Variants in RUBCNL observed in about 807,000 individuals in gnomAD.
RUBCNL encodes the protein rubicon like autophagy enhancer, also known as protein associated with UVRAG as autophagy enhancer.
RUBCNL carries 62 observed loss-of-function variants against 69.5 expected under a neutral mutation model. The observed-to-expected ratio is 0.89, with a 90% CI of 0.73 to 1.10. The LOEUF (loss-of-function observed/expected upper bound fraction) is 1.10, where lower values mean the gene tolerates loss of function less well. Among genes scored for constraint, RUBCNL ranks in the 50% least tolerant of loss-of-function variants. The probability of loss-of-function intolerance (pLI) is 0.00; values close to 1 mark genes in which losing one functional copy is unlikely to be tolerated. For synonymous variants in RUBCNL, 291 were observed against 303.6 expected (o/e 0.96, Z 0.43); for missense variants, 768 against 798.1 (o/e 0.96, Z 0.45).
intron 10 of RUBCNL, among the ~76,000 whole-genome samples, chr13:46,351,692 T>C (rs933813900): frequency 3.9e-5 from 6 of 152,160 alleles, no homozygotes; most frequent in African/African-American, 1.4e-4. Context: ...ATAGGTATAA[T>C]GTGATCTCAA....
chr13:46,356,331 C>T, intron 10 of RUBCNL, 101 bp downstream of exon 10: 1 of 1,129,596 alleles, frequency 8.9e-7, no homozygotes. Context: ...ATAACAACTT[C>T]TCATCAAAGG....
intron 9 of RUBCNL, among the ~76,000 whole-genome samples, chr13:46,358,632 C>T (rs551880919): frequency 1.3e-5 from 2 of 152,328 alleles, no homozygotes; most frequent in South Asian, 2.1e-4. Flanking sequence ...CAGCTCACTG[C>T]AACCTCTGCC....
chr13:46,358,380 T>C (rs1403560351), intron 9 of RUBCNL, among the ~76,000 whole-genome samples: 3 of 152,230 alleles, frequency 2.0e-5, no homozygotes, highest in Admixed American at 2.0e-4. Context: ...TTAAAATGTT[T>C]TGTGTATAAT....
Position 46,368,146 on chromosome 13 carries a change from A to T in RUBCNL, c.722T>A (p.Val241Asp). 6.2e-7 allele frequency: 1 copy of T among 1,613,946 alleles called. No homozygotes were observed. Among genetic ancestry groups the T allele is most frequent in the African/African-American group, 1.3e-5 (1 of 75,038 alleles). ...CTGATCACTCCCAAGTAACCCACTG[A>T]CTTCTTTACTCCAGCTCTCTGTCTG... The part of the protein sequence containing the change: ...QQQTESWSKE[V>D]SGLLGSDQPD... Residue 241 changes from valine (V) to aspartate (D), a missense_variant, in exon 5 of 15, where the codon GTC (valine) becomes GAC (aspartate). Coordinates refer to ENST00000429979, the MANE Select transcript of RUBCNL (RefSeq NM_025113.5).
At chr13:46,348,388 C>T (rs781309431) in intron 12 of RUBCNL, among the ~76,000 whole-genome samples, 1 of 152,112 alleles carries the variant, frequency 6.6e-6, no homozygotes, top group African/African-American at 2.4e-5. Flanking sequence ...AAAAAGGTCA[C>T]TGGCTAGAGT....
At chr13:46,367,975 G>T in intron 5 of RUBCNL, 67 bp downstream of exon 5, 1 of 1,437,352 alleles carries the variant, frequency 7.0e-7, no homozygotes, top group Non-Finnish European at 9.8e-7. Flanking sequence ...CGTGGATAAG[G>T]GGTAATTATA....
At chr13:46,355,916 A>G (rs1433059384) in intron 10 of RUBCNL, among the ~76,000 whole-genome samples, 2 of 152,228 alleles carry the variant, frequency 1.3e-5, no homozygotes, top group African/African-American at 4.8e-5. Flanking sequence ...AGGAACTTCT[A>G]AGAAAATATT....
intron 1 of RUBCNL, among the ~76,000 whole-genome samples, 151 bp from the exon 2 acceptor site, chr13:46,378,156 G>T (rs1313044171): frequency 6.6e-6 from 1 of 152,054 alleles, no homozygotes; most frequent in African/African-American, 2.4e-5. Flanking sequence ...TTTTGTTTTG[G>T]TAGCACTGGG....
At chr13:46,368,436 C>T (rs1233433611) in intron 4 of RUBCNL, 187 bp from the exon 5 acceptor site, 6 of 984,396 alleles carry the variant, frequency 6.1e-6, no homozygotes, top group South Asian at 4.7e-5. Flanking sequence ...GACATAGATT[C>T]GGCTTACTAT....
chr13:46,337,899 T>G lies in RUBCNL; in HGVS notation c.*5486A>C, dbSNP rs1192572348. On this transcript the variant is annotated 3_prime_UTR_variant, in exon 15 of 15. Transcript: ENST00000429979. ...GTAGGGCCCTCAGGAATGTGGACCT[T>G]CAGGGGCTGCAGGAGCAAAGGGAGA... is the stretch of plus-strand genomic sequence containing the variant. Among the ~76,000 whole-genome samples, 1 of 152,216 alleles carries G rather than the reference T, an allele frequency of 6.6e-6. No individual in the cohort carries two copies. The highest frequency in any genetic ancestry group is 1.5e-5 in the Non-Finnish European group (1 of 68,038).
chr13:46,388,369 GGAAGGAAGGAAGGGC>G (rs141111501), upstream of RUBCNL, among the ~76,000 whole-genome samples: 13,157 of 146,846 alleles, frequency 0.09, 825 homozygotes, highest in Non-Finnish European at 0.14. Flanking sequence ...AGCAAAGAAA[GGAAGGAAGGAAGGGC>G]GAAGGAAGGA....
intron 14 of RUBCNL, 69 bp from the exon 15 acceptor site, chr13:46,343,566 T>A (rs776366845): frequency 1.1e-5 from 17 of 1,515,020 alleles, no homozygotes; most frequent in Non-Finnish European, 1.5e-5. Flanking sequence ...CAGACATTCG[T>A]CTCCATCCTA....
chr13:46,383,736 T>C (rs2049172615), intron 1 of RUBCNL, among the ~76,000 whole-genome samples: 1 of 152,176 alleles, frequency 6.6e-6, no homozygotes, highest in South Asian at 2.1e-4. Flanking sequence ...AACCCACAAG[T>C]CCAGGTGGCA....
At position 46,344,832 on chromosome 13, in the gene RUBCNL, C is replaced by T. The variant is rs751205633; in HGVS notation, c.1786-1G>A. The stretch of plus-strand genomic sequence containing the variant: ...AAATAAAGCCCTTTCCTTGACACAG[C>T]TGTAAAAGAAGACATCAAAAAGTTA... On this transcript the variant is annotated splice_acceptor_variant, in intron 13 of 14. Transcript: ENST00000429979. LOFTEE classifies it high-confidence loss of function. 3.1e-6 allele frequency: 5 copies of T among 1,605,404 alleles called. No individual in the cohort carries two copies. Among genetic ancestry groups the T allele is most frequent in the Non-Finnish European group, 4.3e-6 (5 of 1,174,350 alleles).
In RUBCNL at chr13:46,345,565, A is replaced by G; in HGVS notation, c.1667T>C (p.Leu556Ser). The G allele has an allele frequency of 6.2e-7, 1 of 1,613,640 alleles. No homozygotes were observed. The highest frequency in any genetic ancestry group is 1.1e-5 in the South Asian group (1 of 90,942). ...LKEFEQVPGH[L>S]TDELHLFSLE... ...GGAGAACAGGTGGAGCTCATCAGTC[A>G]AGTGTCCCGGCACCTGCTCGAACTC... The change falls in exon 13 of 15, where the codon TTG becomes TCG. Residue 556 changes from leucine to serine, a missense_variant. Transcript: ENST00000429979.
Position 46,357,553 on chromosome 13 carries a change from G to A in RUBCNL, c.1266-1057C>T, listed in dbSNP as rs897657770. ...CAAATGGATCTAAAGAAATTTAGAC[G>A]AATAAGAGGTAACGTAAGACAAAGA... On this transcript the variant is annotated intron_variant, in intron 9 of 14. Coordinates refer to ENST00000429979, the MANE Select transcript of RUBCNL (RefSeq NM_025113.5). 5.3e-5 allele frequency among the ~76,000 whole-genome samples: 8 copies of A among 151,480 alleles called. No homozygotes were observed. In the South Asian group the frequency reaches 6.2e-4, roughly 12 times the overall value.
At chr13:46,354,476 T>C (rs572987711) in intron 10 of RUBCNL, among the ~76,000 whole-genome samples, 2 of 152,340 alleles carry the variant, frequency 1.3e-5, no homozygotes, top group African/African-American at 2.4e-5. Flanking sequence ...TAGAGGAATT[T>C]AACAGGAAAA....
chr13:46,335,257 G>GTTTTTTTT lies in RUBCNL; in HGVS notation c.*8127_*8128insAAAAAAAA, dbSNP rs1199330759. On this transcript the variant is annotated 3_prime_UTR_variant, in exon 15 of 15. Transcript: ENST00000429979. ...TTTGTGTCTTTTTGTTGTTGTTGTT[G>GTTTTTTTT]TTGTTTTTTTTTTTTTTTTTTTTTT... Among the ~76,000 whole-genome samples the GTTTTTTTT allele has an allele frequency of 2.0e-5, 2 of 98,604 alleles. No individual in the cohort carries two copies. The highest frequency in any genetic ancestry group is 7.9e-5 in the African/African-American group (2 of 25,324). The allele number at this position is 98,604 out of a possible 152,430, so 64.7% of individuals were successfully genotyped here.
chr13:46,359,488 G>C lies in RUBCNL; in HGVS notation c.1263C>G (p.Leu421=), dbSNP rs756899678. 1.9e-6 allele frequency: 3 copies of C among 1,603,734 alleles called. No individual in the cohort carries two copies. Among genetic ancestry groups the C allele is most frequent in the Non-Finnish European group, 2.6e-6 (3 of 1,175,094 alleles). ...CCCAAGCAACAGCCCATACTTACTT[G>C]AGTGGTGGATGAATATTAAATATGA... ...FQIIFNIHPP[L]KRDLVVAAQN... Residue 421 remains leucine (L), a splice_region_variant and synonymous_variant, in exon 9 of 15, where the codon CTC becomes CTG. Transcript: ENST00000429979.
Sources: allele counts gnomAD v4.1 joint callset (sites outside exome capture counted in the v4.1 genomes callset), GRCh38; gene constraint gnomAD v4.1.1; transcripts MANE v1.5; gene names NCBI Gene and HGNC (gene_info 2026-07-23, HGNC 2026-07-21).